The following NTRK3 variants were observed in gnomAD, a reference collection of about 807,000 sequenced individuals.
The protein encoded by NTRK3 is neurotrophic receptor tyrosine kinase 3.
NTRK3 carries 24 observed loss-of-function variants against 91.7 expected under a neutral mutation model. The ratio of observed to expected loss-of-function variants is 0.26; its 90% CI spans 0.19 to 0.37. The LOEUF (loss-of-function observed/expected upper bound fraction) is 0.37. Among genes scored for constraint, NTRK3 ranks in the 10% least tolerant of loss-of-function variants. NTRK3 has a pLI of 1.00. For missense variants in NTRK3, 880 were observed against 1,068.9 expected (o/e 0.82, Z 2.46); for synonymous variants, 483 against 404.0 (o/e 1.20, Z -2.34).
intron 14 of NTRK3, among the ~76,000 whole-genome samples, chr15:87,956,014 C>T (rs370985041): frequency 2.0e-5 from 3 of 151,922 alleles, no homozygotes; most frequent in Non-Finnish European, 2.9e-5. Flanking sequence ...TAATAAGCCC[C>T]GTGGTGGGAC....
At chr15:88,212,277 G>A (rs1407993183) in intron 3 of NTRK3, among the ~76,000 whole-genome samples, 1 of 152,202 alleles carries the variant, frequency 6.6e-6, no homozygotes. Flanking sequence ...GGCTGAGGCA[G>A]GAGAATGGAG....
chr15:88,136,034 G>C, exon 9 of NTRK3: 1 of 1,614,242 alleles, frequency 6.2e-7, no homozygotes, highest in South Asian at 1.1e-5. Context: ...GTCCAGTTCA[G>C]ATTGGTCTGA....
At chr15:87,900,117 T>C (rs2066363853) in intron 17 of NTRK3, among the ~76,000 whole-genome samples, 1 of 152,152 alleles carries the variant, frequency 6.6e-6, no homozygotes, top group Admixed American at 6.5e-5. Flanking sequence ...AAAGTGGGGA[T>C]TCAACTTGGA....
intron 17 of NTRK3, chr15:87,916,650 A>AG (rs1213261170): frequency 2.9e-6 from 2 of 692,756 alleles, no homozygotes; most frequent in Non-Finnish European, 5.2e-6. Context: ...CCTCAGAAAT[A>AG]GGTTATTATT....
intron 5 of NTRK3, among the ~76,000 whole-genome samples, chr15:88,162,990 C>T (rs2044608363): frequency 1.3e-5 from 2 of 152,168 alleles, no homozygotes; most frequent in Admixed American, 1.3e-4. Flanking sequence ...ACCCCATACA[C>T]TTGGTATAAG....
At chr15:87,934,274 A>G (rs2069072372) in intron 15 of NTRK3, among the ~76,000 whole-genome samples, 1 of 152,186 alleles carries the variant, frequency 6.6e-6, no homozygotes, top group African/African-American at 2.4e-5. Flanking sequence ...GGGGCCCAAC[A>G]TTGAGTTGTT....
At chr15:88,028,976 G>A (rs988309667) in intron 14 of NTRK3, among the ~76,000 whole-genome samples, 4 of 152,182 alleles carry the variant, frequency 2.6e-5, no homozygotes, top group African/African-American at 9.7e-5. Context: ...GTAACTGAGG[G>A]TCCAATGTTG....
Position 87,863,239 on chromosome 15 carries a change from G to A in NTRK3, c.*13696C>T, listed in dbSNP as rs1358159734. ...CTAGGCTTGGTAATAAATGAAAGAT[G>A]TAAGAACCTTAAGAATAAAGTCTTC... On this transcript the variant is annotated 3_prime_UTR_variant, in exon 19 of 19. Coordinates refer to ENST00000394480, the Ensembl canonical transcript of NTRK3. 4 of 225,906 alleles carry A rather than the reference G, an allele frequency of 1.8e-5. No homozygotes were observed. In the East Asian group the frequency reaches 2.5e-4, roughly 14 times the overall value. 14.0% of individuals were successfully genotyped at this position (225,906 alleles called of 1,614,324 possible). A position where few individuals can be genotyped will look rare whatever the true frequency, so the allele number is the denominator to read the frequency against.
At chr15:88,063,531 G>C (rs1344231036) in intron 13 of NTRK3, among the ~76,000 whole-genome samples, 2 of 152,216 alleles carry the variant, frequency 1.3e-5, no homozygotes, top group African/African-American at 4.8e-5. Context: ...AGCCCTGGCT[G>C]GTGGCTGTCA....
At chr15:87,883,675 G>A (rs1360034123) in intron 17 of NTRK3, among the ~76,000 whole-genome samples, 2 of 150,180 alleles carry the variant, frequency 1.3e-5, no homozygotes, top group Admixed American at 1.3e-4. Context: ...AAATCTCAAA[G>A]GAAAACTGGA....
rs570388224 is a variant in NTRK3, at chr15:88,128,807, T to C, written c.1205-73A>G. 1.9e-4 allele frequency: 256 copies of C among 1,329,456 alleles called. 3 individuals are homozygous for C. The South Asian group carries it at 2.7e-3, about 14-fold the overall frequency. 82.4% of individuals were successfully genotyped at this position (1,329,456 alleles called of 1,614,324 possible). A position where few individuals can be genotyped will look rare whatever the true frequency, so the allele number is the denominator to read the frequency against. The stretch of plus-strand genomic sequence containing the variant: ...GAACAGACACACTACTTGGTCCTAA[T>C]AGCTATGATCTCTCCCATTCACCAT... On this transcript the variant is annotated intron_variant, in intron 10 of 18. Transcript: ENST00000394480.
At chr15:88,055,982 C>T (rs1005193536) in intron 13 of NTRK3, among the ~76,000 whole-genome samples, 1 of 151,898 alleles carries the variant, frequency 6.6e-6, no homozygotes, top group Non-Finnish European at 1.5e-5. Flanking sequence ...AAGAAAAGTG[C>T]CCCGGCAGCA....
At chr15:88,239,218 G>A (rs1189791172) in intron 3 of NTRK3, among the ~76,000 whole-genome samples, 1 of 151,344 alleles carries the variant, frequency 6.6e-6, no homozygotes, top group Non-Finnish European at 1.5e-5. Flanking sequence ...AGGGGAAGTG[G>A]CCGGATCACG....
intron 13 of NTRK3, among the ~76,000 whole-genome samples, chr15:88,052,092 T>A (rs1463518264): frequency 6.6e-6 from 1 of 152,242 alleles, no homozygotes; most frequent in Non-Finnish European, 1.5e-5. Flanking sequence ...AGGACAACCC[T>A]GTTAACTATG....
chr15:88,117,382 T>G (rs1475732510), intron 13 of NTRK3, among the ~76,000 whole-genome samples: 1 of 152,230 alleles, frequency 6.6e-6, no homozygotes, highest in Admixed American at 6.5e-5. Flanking sequence ...TCTCTTCCCC[T>G]ACTATGATTA....
intron 6 of NTRK3, among the ~76,000 whole-genome samples, chr15:88,141,218 G>A (rs2042354637): frequency 6.6e-6 from 1 of 152,156 alleles, no homozygotes; most frequent in Non-Finnish European, 1.5e-5. Context: ...AGCTGGACAT[G>A]AGACACAGAA....
intron 17 of NTRK3, among the ~76,000 whole-genome samples, chr15:87,915,455 T>C (rs1373959362): frequency 2.6e-5 from 4 of 152,248 alleles, no homozygotes; most frequent in South Asian, 2.1e-4. Context: ...TAGCTCCTGG[T>C]TGTAGCTACT....
chr15:88,092,493 G>A (rs1440187494), intron 13 of NTRK3, among the ~76,000 whole-genome samples: 2 of 152,194 alleles, frequency 1.3e-5, no homozygotes, highest in Non-Finnish European at 2.9e-5. Context: ...GGTACCCATG[G>A]TGTTGACTCT....
intron 14 of NTRK3, among the ~76,000 whole-genome samples, chr15:87,957,360 G>A (rs1177445270): frequency 6.7e-6 from 1 of 149,634 alleles, no homozygotes; most frequent in Non-Finnish European, 1.5e-5. Context: ...CCCACAGCGG[G>A]AGCATCTACA....
Sources: allele counts gnomAD v4.1 joint callset (sites outside exome capture counted in the v4.1 genomes callset), GRCh38; gene constraint gnomAD v4.1.1; transcripts MANE v1.5; gene names NCBI Gene and HGNC (gene_info 2026-07-23, HGNC 2026-07-21).